Variants in SMYD3 observed in about 807,000 individuals in gnomAD.
SMYD3 encodes the protein histone-lysine N-methyltransferase SMYD3.
Under a neutral mutation model 57.7 loss-of-function variants are expected in SMYD3, and 36 were observed. The observed-to-expected ratio is 0.62, with a 90% CI of 0.48 to 0.82. The LOEUF (loss-of-function observed/expected upper bound fraction) is 0.82, where lower values mean the gene tolerates loss of function less well. Among genes scored for constraint, SMYD3 ranks in the 40% least tolerant of loss-of-function variants. The pLI is 0.00. For missense variants in SMYD3, 515 were observed against 538.8 expected (o/e 0.96, Z 0.44); for synonymous variants, 211 against 195.0 (o/e 1.08, Z -0.68).
At chr1:246,497,584 T>C (rs187848014) in intron 1 of SMYD3, among the ~76,000 whole-genome samples, 1 of 152,326 alleles carries the variant, frequency 6.6e-6, no homozygotes, top group Admixed American at 6.5e-5. Context: ...TACGAGGTGC[T>C]ACAGATGGTA....
chr1:246,051,894 C>CA (rs1195064217), intron 5 of SMYD3, among the ~76,000 whole-genome samples: 1 of 151,840 alleles, frequency 6.6e-6, no homozygotes, highest in African/African-American at 2.4e-5. Flanking sequence ...ATTAAATGAC[C>CA]AACTAAATCA....
intron 10 of SMYD3, among the ~76,000 whole-genome samples, chr1:245,769,251 T>A (rs930894748): frequency 9.2e-5 from 14 of 152,170 alleles, no homozygotes; most frequent in Non-Finnish European, 1.5e-4. Context: ...CACTGATCAA[T>A]CTTAGCACCA....
At chr1:246,191,026 C>T (rs2062729900) in intron 5 of SMYD3, among the ~76,000 whole-genome samples, 1 of 152,234 alleles carries the variant, frequency 6.6e-6, no homozygotes, top group Admixed American at 6.5e-5. Flanking sequence ...CCACATGCTC[C>T]ACATACTGAA....
intron 8 of SMYD3, among the ~76,000 whole-genome samples, chr1:245,910,184 G>T (rs1468945379): frequency 1.3e-5 from 2 of 151,988 alleles, no homozygotes; most frequent in Non-Finnish European, 2.9e-5. Context: ...AACAAATAAA[G>T]AAAGCAATCC....
chr1:246,166,416 C>A (rs1322926509), intron 5 of SMYD3, among the ~76,000 whole-genome samples: 1 of 152,200 alleles, frequency 6.6e-6, no homozygotes, highest in African/African-American at 2.4e-5. Context: ...GCTGCCTGAG[C>A]ACACATGTAA....
intron 11 of SMYD3, among the ~76,000 whole-genome samples, chr1:245,757,114 G>A (rs2045638889): frequency 6.6e-6 from 1 of 151,950 alleles, no homozygotes; most frequent in Admixed American, 6.6e-5. Context: ...TACTGAAACT[G>A]TGTACCCATT....
chr1:246,150,672 CTATT>C (rs2061926534), intron 5 of SMYD3, among the ~76,000 whole-genome samples: 2 of 152,296 alleles, frequency 1.3e-5, no homozygotes, highest in South Asian at 4.1e-4. Context: ...TGAAGCGAGT[CTATT>C]TGTCTAAGAA....
chr1:246,042,581 C>G (rs1300170586), intron 5 of SMYD3, among the ~76,000 whole-genome samples: 3 of 152,220 alleles, frequency 2.0e-5, no homozygotes, highest in African/African-American at 4.8e-5. Context: ...ACACAGGAAC[C>G]TCCTATGATG....
rs371711988 is a variant in SMYD3 at position 246,125,051 on chromosome 1, G to A, written c.532-195114C>T. ...CGCGCCACTGCACTCCAGCCTGGGC[G>A]ACAGAGCGAGACTCCGTCTCAAAAA... On this transcript the variant is annotated intron_variant, in intron 5 of 11. Transcript: ENST00000490107. 8.3e-5 allele frequency among the ~76,000 whole-genome samples: 10 copies of A among 120,756 alleles called. No individual in the cohort carries two copies. The East Asian group carries it at 9.0e-4, about 11-fold the overall frequency. 79.2% of individuals were successfully genotyped at this position (120,756 alleles called of 152,430 possible).
At chr1:246,162,213 AGTT>A (rs904235729) in intron 5 of SMYD3, among the ~76,000 whole-genome samples, 2 of 152,196 alleles carry the variant, frequency 1.3e-5, no homozygotes, top group African/African-American at 4.8e-5. Context: ...AACAACTCCA[AGTT>A]GGCTAAGTGA....
At chr1:245,904,355 T>C (rs1036200192) in intron 8 of SMYD3, among the ~76,000 whole-genome samples, 2 of 152,210 alleles carry the variant, frequency 1.3e-5, no homozygotes, top group African/African-American at 4.8e-5. Flanking sequence ...TGTGGAACTG[T>C]GAGACAATTA....
intron 5 of SMYD3, among the ~76,000 whole-genome samples, chr1:246,028,916 G>A (rs562988644): frequency 6.6e-6 from 1 of 152,224 alleles, no homozygotes; most frequent in South Asian, 2.1e-4. Flanking sequence ...AGAGAACCTA[G>A]AGATAAATTC....
chr1:245,810,768 AGACGCAC>A (rs2048420595), intron 10 of SMYD3, among the ~76,000 whole-genome samples: 1 of 11,494 alleles, frequency 8.7e-5, no homozygotes, highest in Non-Finnish European at 2.9e-3. Context: ...CTGCAGAGAA[AGACGCAC>A]TTTTCAAAGA....
intron 9 of SMYD3, 25 bp downstream of exon 9, chr1:245,863,774 C>T: frequency 1.9e-6 from 3 of 1,606,332 alleles, no homozygotes; most frequent in Non-Finnish European, 2.6e-6. Flanking sequence ...CAACAGTCCA[C>T]CTCAATCCAC....
intron 10 of SMYD3, among the ~76,000 whole-genome samples, chr1:245,824,411 G>A (rs2049352969): frequency 6.6e-6 from 1 of 152,218 alleles, no homozygotes; most frequent in Non-Finnish European, 1.5e-5. Context: ...CAAGTACTAA[G>A]TAATCTTTGA....
chr1:245,797,200 T>C (rs1340029657), intron 10 of SMYD3, among the ~76,000 whole-genome samples: 1 of 152,170 alleles, frequency 6.6e-6, no homozygotes, highest in African/African-American at 2.4e-5. Context: ...GGAATATCAA[T>C]CATGCTGCTA....
At chr1:245,773,317 A>T (rs2046415338) in intron 10 of SMYD3, among the ~76,000 whole-genome samples, 4 of 152,192 alleles carry the variant, frequency 2.6e-5, no homozygotes, top group Admixed American at 2.6e-4. Context: ...AGATAGGACT[A>T]AGCATCCAAT....
In SMYD3 at chr1:245,780,953, G is replaced by A. The variant is rs534970176; in HGVS notation, c.1077-16804C>T. Among the ~76,000 whole-genome samples the A allele has an allele frequency of 3.9e-5, 6 of 152,284 alleles. No homozygotes were observed. In the East Asian group the frequency reaches 1.2e-3, roughly 29 times the overall value. On this transcript the variant is annotated intron_variant, in intron 10 of 11. Coordinates refer to ENST00000490107, the MANE Select transcript of SMYD3 (RefSeq NM_001167740.2). The stretch of plus-strand genomic sequence containing the variant: ...AAAGTACTAATACATGTTACAACAT[G>A]AATGAACCTTAGTAACATGCTGAGT...
chr1:246,154,230 T>A (rs2061987124), intron 5 of SMYD3, among the ~76,000 whole-genome samples: 1 of 152,230 alleles, frequency 6.6e-6, no homozygotes, highest in South Asian at 2.1e-4. Flanking sequence ...CCATCCGCTC[T>A]GCTTCTATCG....
Sources: gnomAD v4.1 joint callset for allele counts (sites outside exome capture counted in the v4.1 genomes callset) on GRCh38, gnomAD v4.1.1 for gene constraint, MANE v1.5 for transcripts, NCBI Gene and HGNC (gene_info 2026-07-23, HGNC 2026-07-21) for gene names.